Variants in NAALADL2 observed in about 807,000 individuals in gnomAD.
NAALADL2 encodes N-acetylated alpha-linked acidic dipeptidase like 2, also known as inactive N-acetylated-alpha-linked acidic dipeptidase-like protein 2.
A neutral mutation model predicts 87.2 loss-of-function variants in NAALADL2; 76 were observed. That is an observed-to-expected ratio of 0.87 (90% confidence interval 0.72 to 1.05). The LOEUF (loss-of-function observed/expected upper bound fraction) is 1.05. Among genes scored for constraint, NAALADL2 ranks in the 50% least tolerant of loss-of-function variants. NAALADL2 has a pLI of 0.00. For missense variants in NAALADL2, 1,089 were observed against 945.8 expected (o/e 1.15, Z -1.99); for synonymous variants, 354 against 331.0 (o/e 1.07, Z -0.75).
intron 2 of NAALADL2, among the ~76,000 whole-genome samples, chr3:174,626,343 T>A (rs1721576390): frequency 6.6e-6 from 1 of 152,104 alleles, no homozygotes; most frequent in Non-Finnish European, 1.5e-5. Flanking sequence ...CTGATAGGAA[T>A]AGGAACAATT....
chr3:174,954,558 A>G (rs1740885471), intron 1 of NAALADL2, among the ~76,000 whole-genome samples: 1 of 152,068 alleles, frequency 6.6e-6, no homozygotes, highest in Non-Finnish European at 1.5e-5. Flanking sequence ...TAGATAAAAG[A>G]GTATATTGTA....
At chr3:174,456,411 C>CAAAAAAAAAAAAAAAA (rs59833697) in intron 1 of NAALADL2, among the ~76,000 whole-genome samples, 3 of 56,396 alleles carry the variant, frequency 5.3e-5, no homozygotes, top group Non-Finnish European at 9.8e-5. Flanking sequence ...CAATCCTAAG[C>CAAAAAAAAAAAAAAAA]AAAAAAAAAA....
chr3:175,673,141 G>C (rs1734241676), intron 11 of NAALADL2, among the ~76,000 whole-genome samples: 1 of 152,026 alleles, frequency 6.6e-6, no homozygotes, highest in African/African-American at 2.4e-5. Flanking sequence ...ACTCACTTCT[G>C]TCATCTTTAT....
intron 2 of NAALADL2, among the ~76,000 whole-genome samples, chr3:174,721,631 CTG>C (rs1481138344): frequency 1.3e-5 from 2 of 152,172 alleles, no homozygotes; most frequent in Non-Finnish European, 2.9e-5. Flanking sequence ...AGAATTCTCA[CTG>C]AAACAACTAT....
At chr3:175,667,692 C>CTCTGCTA in intron 11 of NAALADL2, among the ~76,000 whole-genome samples, 2 of 149,956 alleles carry the variant, frequency 1.3e-5, no homozygotes, top group South Asian at 4.2e-4. Context: ...CCTTGAAATT[C>CTCTGCTA]TCTGCTATCC....
At chr3:174,766,186 G>C (rs891464224) in intron 3 of NAALADL2, among the ~76,000 whole-genome samples, 17 of 152,088 alleles carry the variant, frequency 1.1e-4, no homozygotes, top group African/African-American at 4.1e-4. Flanking sequence ...TTCAATGTTT[G>C]CATTCACTTC....
intron 11 of NAALADL2, among the ~76,000 whole-genome samples, chr3:175,699,216 G>C (rs908687715): frequency 6.6e-6 from 1 of 151,622 alleles, no homozygotes; most frequent in Non-Finnish European, 1.5e-5. Context: ...TATAAGCTCA[G>C]GAAAAATAGA....
At chr3:175,605,045 G>A (rs906054951) in intron 10 of NAALADL2, among the ~76,000 whole-genome samples, 2 of 152,132 alleles carry the variant, frequency 1.3e-5, no homozygotes, top group Non-Finnish European at 1.5e-5. Flanking sequence ...CATAAAAATT[G>A]TTCATTCTCT....
At chr3:175,133,659 C>A (rs1356929707) in intron 2 of NAALADL2, among the ~76,000 whole-genome samples, 2 of 152,022 alleles carry the variant, frequency 1.3e-5, no homozygotes, top group African/African-American at 4.8e-5. Context: ...TGCAGTGAGC[C>A]CAGATGGCAG....
chr3:174,775,308 A>C (rs954373404), intron 3 of NAALADL2, among the ~76,000 whole-genome samples: 5 of 151,700 alleles, frequency 3.3e-5, no homozygotes, highest in Non-Finnish European at 7.4e-5. Flanking sequence ...TCTCCTCATA[A>C]CTCTAGCCTC....
At chr3:174,787,608 T>TACATATATATATATATACACAC (rs1284867078) in intron 3 of NAALADL2, among the ~76,000 whole-genome samples, 4 of 109,346 alleles carry the variant, frequency 3.7e-5, no homozygotes, top group African/African-American at 9.1e-5. Flanking sequence ...TATATATATA[T>TACATATATATATATATACACAC]ATATATATAT....
intron 1 of NAALADL2, among the ~76,000 whole-genome samples, chr3:174,960,994 G>T (rs2108555288): frequency 6.6e-6 from 1 of 150,550 alleles, no homozygotes; most frequent in South Asian, 2.1e-4. Context: ...CTATGATCAT[G>T]CCATTCCACT....
chr3:175,437,749 A>G (rs1052947155), intron 5 of NAALADL2, among the ~76,000 whole-genome samples: 3 of 152,100 alleles, frequency 2.0e-5, no homozygotes, highest in African/African-American at 2.4e-5. Flanking sequence ...GTACCAAAAC[A>G]GAGATATAGA....
chr3:175,007,228 TA>T (rs1749161136), intron 1 of NAALADL2, among the ~76,000 whole-genome samples: 1 of 150,270 alleles, frequency 6.7e-6, no homozygotes, highest in East Asian at 2.0e-4. Context: ...GTAGTGCTAG[TA>T]AATTTTGGGT....
chr3:175,507,589 AT>A (rs1417094447), intron 9 of NAALADL2, among the ~76,000 whole-genome samples: 2 of 151,782 alleles, frequency 1.3e-5, no homozygotes, highest in African/African-American at 4.8e-5. Context: ...TGCCGAACTA[AT>A]TTTTTGTACT....
intron 5 of NAALADL2, among the ~76,000 whole-genome samples, chr3:175,337,570 G>C (rs6788398): frequency 0.013 from 1,942 of 152,154 alleles, 38 homozygotes; most frequent in African/African-American, 0.045. Context: ...GGCCAGGAGA[G>C]AGCCCCAGAA....
intron 1 of NAALADL2, among the ~76,000 whole-genome samples, chr3:175,017,826 A>G (rs1055603223): frequency 2.0e-5 from 3 of 152,054 alleles, no homozygotes; most frequent in African/African-American, 4.8e-5. Context: ...AAAAAATCAG[A>G]TTAGGGCGTT....
chr3:174,807,832 C>G (rs1447438909), intron 3 of NAALADL2, among the ~76,000 whole-genome samples: 1 of 151,080 alleles, frequency 6.6e-6, no homozygotes, highest in African/African-American at 2.4e-5. Flanking sequence ...CCTTTATAAT[C>G]TTAAAAATAA....
chr3:175,301,216 T>C (rs1310115143), intron 4 of NAALADL2, among the ~76,000 whole-genome samples: 3 of 152,188 alleles, frequency 2.0e-5, no homozygotes, highest in Admixed American at 6.6e-5. Context: ...TTTAGTGCTA[T>C]AAATCTCCCT....
Sources: allele counts gnomAD v4.1 joint callset (sites outside exome capture counted in the v4.1 genomes callset), GRCh38; gene constraint gnomAD v4.1.1; transcripts MANE v1.5; gene names NCBI Gene and HGNC (gene_info 2026-07-23, HGNC 2026-07-21).